CRB1: variants seen among roughly 807,000 people sequenced by gnomAD.
CRB1 encodes the protein crumbs cell polarity complex component 1.
A neutral mutation model predicts 120.0 loss-of-function variants in CRB1; 83 were observed. That is an observed-to-expected ratio of 0.69 (90% CI 0.58 to 0.83). The LOEUF is 0.83. Among genes scored for constraint, CRB1 ranks in the 40% least tolerant of loss-of-function variants. The pLI is 0.00. For missense variants in CRB1, 1,699 were observed against 1,687.6 expected (o/e 1.01, Z -0.12); for synonymous variants, 625 against 612.5 (o/e 1.02, Z -0.30).
At chr1:197,470,014 T>C (rs1333311304) in intron 11 of CRB1, among the ~76,000 whole-genome samples, 1 of 152,188 alleles carries the variant, frequency 6.6e-6, no homozygotes, top group African/African-American at 2.4e-5. Flanking sequence ...CTTCCGTTCC[T>C]CTGCAGGACA....
At position 197,328,933 on chromosome 1, in the gene CRB1, C is replaced by A. The variant is rs201148750; in HGVS notation, c.582C>A (p.Pro194=). ...AAGTGGATGAATGTGCTTCAGATCC[C>A]TGCAAGAACGAGGCTACATGCCTCA... The part of the protein sequence containing the change: ...DLEVDECASD[P]CKNEATCLNE... Residue 194 remains proline, a synonymous_variant, in exon 2 of 12, where the codon CCC becomes CCA. Coordinates refer to ENST00000367400, the MANE Select transcript of CRB1 (RefSeq NM_201253.3). 11 of 1,614,088 alleles carry A rather than the reference C, an allele frequency of 6.8e-6. No homozygotes were observed. The Admixed American group carries it at 8.3e-5, about 12-fold the overall frequency.
the CRB1 span, among the ~76,000 whole-genome samples, chr1:197,202,963 G>T: frequency 2.4e-5 from 3 of 123,562 alleles, no homozygotes; most frequent in Non-Finnish European, 4.8e-5. Context: ...TGTCTTTGTG[G>T]TGTGTGTGTG....
intron 1 of CRB1, among the ~76,000 whole-genome samples, chr1:197,274,790 T>A (rs1007747204): frequency 3.3e-5 from 5 of 152,164 alleles, no homozygotes; most frequent in African/African-American, 9.7e-5. Flanking sequence ...CTGAAAAATA[T>A]TCCATTATAT....
chr1:197,202,481 A>C, the CRB1 span, among the ~76,000 whole-genome samples: 23 of 152,352 alleles, frequency 1.5e-4, no homozygotes, highest in Admixed American at 9.8e-4. Context: ...ATCAGAAACA[A>C]GTATATTTAA....
intron 5 of CRB1, among the ~76,000 whole-genome samples, chr1:197,364,436 TG>T (rs1484033966): frequency 3.3e-5 from 5 of 152,228 alleles, no homozygotes; most frequent in African/African-American, 1.2e-4. Flanking sequence ...TTGGCAAATT[TG>T]GGGGCTTGTC....
intron 4 of CRB1, among the ~76,000 whole-genome samples, chr1:197,351,937 C>G (rs1660135325): frequency 6.6e-6 from 1 of 152,174 alleles, no homozygotes; most frequent in East Asian, 1.9e-4. Flanking sequence ...TACTCTATAT[C>G]TAAGAAAAGG....
intron 11 of CRB1, among the ~76,000 whole-genome samples, chr1:197,450,870 G>A (rs1429045404): frequency 7.2e-6 from 1 of 139,528 alleles, no homozygotes. Flanking sequence ...TGAGGCAGGA[G>A]AATGGCGTGA....
chr1:197,217,353 T>C, the CRB1 span, among the ~76,000 whole-genome samples: 1 of 152,130 alleles, frequency 6.6e-6, no homozygotes, highest in African/African-American at 2.4e-5. Context: ...AAGCACATGT[T>C]CACACAAAAA....
chr1:197,447,389 T>C (rs1404032479), intron 11 of CRB1: 1 of 152,242 alleles, frequency 6.6e-6, no homozygotes, highest in Non-Finnish European at 1.5e-5. Context: ...TATAACATAA[T>C]TATGCAATTG....
At chr1:197,202,578 T>C in the CRB1 span, among the ~76,000 whole-genome samples, 3 of 152,320 alleles carry the variant, frequency 2.0e-5, no homozygotes, top group African/African-American at 7.2e-5. Context: ...ATTATCTTAG[T>C]ACTTAGAACG....
chr1:197,399,423 G>A (rs184848594), intron 5 of CRB1, among the ~76,000 whole-genome samples: 63 of 152,254 alleles, frequency 4.1e-4, no homozygotes, highest in Admixed American at 3.6e-3. Context: ...CATGGTGTAA[G>A]AAATCAAGTA....
At chr1:197,294,332 C>T (rs1222780529) in intron 1 of CRB1, among the ~76,000 whole-genome samples, 1 of 152,096 alleles carries the variant, frequency 6.6e-6, no homozygotes, top group African/African-American at 2.4e-5. Context: ...TCATCACTGG[C>T]CATCAGAGAA....
At chr1:197,354,364 G>C (rs1174609149) in intron 4 of CRB1, among the ~76,000 whole-genome samples, 1 of 152,152 alleles carries the variant, frequency 6.6e-6, no homozygotes, top group African/African-American at 2.4e-5. Context: ...GTGGGTTGTT[G>C]GTCTGATTGA....
chr1:197,327,120 A>AAAAAAAAAAAAAAAAAAAAAC (rs1558055688), intron 1 of CRB1, among the ~76,000 whole-genome samples: 1 of 71,044 alleles, frequency 1.4e-5, no homozygotes, highest in Admixed American at 1.9e-4. Flanking sequence ...AAAAAAAAAA[A>AAAAAAAAAAAAAAAAAAAAAC]AAAAAAAAAA....
intron 5 of CRB1, among the ~76,000 whole-genome samples, chr1:197,362,674 T>C (rs552652123): frequency 1.4e-4 from 21 of 152,300 alleles, no homozygotes; most frequent in African/African-American, 4.3e-4. Context: ...CATTTGATAT[T>C]GTTATAGCCA....
At chr1:197,274,007 A>G (rs1432709100) in intron 1 of CRB1, among the ~76,000 whole-genome samples, 1 of 152,064 alleles carries the variant, frequency 6.6e-6, no homozygotes, top group Non-Finnish European at 1.5e-5. Flanking sequence ...ATGTCTGTGT[A>G]CTAGTCCGTG....
At chr1:197,369,737 C>T (rs2125379875) in intron 5 of CRB1, among the ~76,000 whole-genome samples, 1 of 152,274 alleles carries the variant, frequency 6.6e-6, no homozygotes. Flanking sequence ...TCTACATACC[C>T]TAATTTCATG....
chr1:197,238,960 G>T, the CRB1 span, among the ~76,000 whole-genome samples: 2 of 152,096 alleles, frequency 1.3e-5, no homozygotes, highest in Non-Finnish European at 2.9e-5. Context: ...CTTTCTTTTG[G>T]TGTCTTCACA....
chr1:197,265,313 T>TCTTTCTTCCTTCCTTTTGTC (rs370289600), upstream of CRB1, among the ~76,000 whole-genome samples: 25 of 151,614 alleles, frequency 1.6e-4, no homozygotes, highest in African/African-American at 5.6e-4. Context: ...TTCTTTCCTT[T>TCTTTCTTCCTTCCTTTTGTC]CTTTCTTCCT....
Sources: gnomAD v4.1 joint callset for allele counts (sites outside exome capture counted in the v4.1 genomes callset) on GRCh38, gnomAD v4.1.1 for gene constraint, MANE v1.5 for transcripts, NCBI Gene and HGNC (gene_info 2026-07-23, HGNC 2026-07-21) for gene names.